Variants in MOCS2 observed in about 807,000 individuals in gnomAD.
MOCS2 encodes the protein molybdenum cofactor synthesis 2.
A neutral mutation model predicts 21.9 loss-of-function variants in MOCS2; 13 were observed. The observed-to-expected ratio is 0.59, with a 90% confidence interval of 0.39 to 0.94. MOCS2 has a LOEUF of 0.94. Ranked by LOEUF, MOCS2 falls within the 40% of genes least tolerant of loss-of-function variation. MOCS2 has a pLI of 0.00. For synonymous variants in MOCS2, 92 were observed against 80.8 expected, an observed-to-expected ratio of 1.14 and a Z score of -0.74; for missense variants, 227 against 218.3, an observed-to-expected ratio of 1.04 and a Z score of -0.25.
chr5:53,107,112 G>A lies in MOCS2; in HGVS notation c.63C>T (p.Pro21=). The A allele has an allele frequency of 1.2e-6, 2 of 1,614,110 alleles. No homozygotes were observed. Among genetic ancestry groups the A allele is most frequent in the Non-Finnish European group, 1.7e-6 (2 of 1,180,004 alleles). The change falls in exon 3 of 7, where the codon CCC becomes CCT. Residue 21 remains proline (P), a synonymous_variant. Transcript: ENST00000396954. Reference sequence around the variant, plus strand: ...CAAAAGCACTATCCTCCACTAATGGGGGGGATAACGGCAATTTCGTCTCCA... The same window carrying A: ...CAAAAGCACTATCCTCCACTAATGGAGGGGATAACGGCAATTTCGTCTCCA... ...FSLETKLPLS[P]PLVEDSAFEP...
rs1741143832 is a variant in MOCS2 at position 53,109,453 on chromosome 5, A to G, written c.-372T>C. Reference sequence around the variant, plus strand: ...AAAAGGTGGAGGCGCCTTCAGAACGAGTCCGTCCTTGCTGCCGTGAGCTGA... The same window carrying G: ...AAAAGGTGGAGGCGCCTTCAGAACGGGTCCGTCCTTGCTGCCGTGAGCTGA... On this transcript the variant is annotated 5_prime_UTR_variant, in exon 1 of 7. Transcript: ENST00000396954. 1 of 1,284,350 alleles carries G rather than the reference A, an allele frequency of 7.8e-7. No homozygotes were observed. The highest frequency in any genetic ancestry group is 3.7e-5 in the Admixed American group (1 of 26,918). 79.6% of individuals were successfully genotyped at this position (1,284,350 alleles called of 1,614,324 possible).
chr5:53,101,510 C>G lies in MOCS2; in HGVS notation c.227-1G>C. On this transcript the variant is annotated splice_acceptor_variant, in intron 4 of 6. Transcript: ENST00000396954. LOFTEE classifies it high-confidence loss of function. ...CCTTCAAAGTTATTTCTTGTAGTCC[C>G]TTTAAAAATGAAAAAAAAGAAAAAG... 1 of 1,581,342 alleles carries G rather than the reference C, an allele frequency of 6.3e-7. No individual in the cohort carries two copies. The highest frequency in any genetic ancestry group is 2.2e-5 in the East Asian group (1 of 44,600).
At chr5:53,098,694 TA>T (rs1472986888) in intron 6 of MOCS2, 27 bp from the exon 7 acceptor site, 2 of 1,470,226 alleles carry the variant, frequency 1.4e-6, no homozygotes, top group African/African-American at 1.4e-5. Context: ...TAACAGGTAT[TA>T]AAAATAGACC....
chr5:53,098,571 T>TTAAAC lies in MOCS2; in HGVS notation c.*30_*31insGTTTA, dbSNP rs748269910. ...GATCAATAATAATAGTTTAACAAAG[T>TTAAAC]TAAGATTGCATGCTCTAAAAACATA... is the stretch of plus-strand genomic sequence containing the variant. On this transcript the variant is annotated 3_prime_UTR_variant, in exon 7 of 7. Coordinates refer to ENST00000396954, the MANE Select transcript of MOCS2 (RefSeq NM_004531.5). 9.5e-6 allele frequency: 15 copies of TTAAAC among 1,586,564 alleles called. 1 individual carries two copies. In the South Asian group the frequency reaches 1.5e-4, roughly 16 times the overall value.
intron 5 of MOCS2, 193 bp from the exon 6 acceptor site, chr5:53,100,727 G>T: frequency 1.7e-6 from 1 of 582,806 alleles, no homozygotes; most frequent in Non-Finnish European, 3.0e-6. Flanking sequence ...AGATGAGGCT[G>T]ATGCTACAGC....
intron 6 of MOCS2, among the ~76,000 whole-genome samples, chr5:53,099,802 G>A (rs948934058): frequency 6.6e-6 from 1 of 152,172 alleles, no homozygotes; most frequent in Non-Finnish European, 1.5e-5. Context: ...GACATTGAAT[G>A]TGCAACCACA....
chr5:53,109,096 C>A (rs1052450792), intron 1 of MOCS2, among the ~76,000 whole-genome samples, 155 bp downstream of exon 1: 1 of 152,192 alleles, frequency 6.6e-6, no homozygotes, highest in Non-Finnish European at 1.5e-5. Flanking sequence ...TGTATAACAT[C>A]GTCCCCAGAC....
chr5:53,103,171 A>G (rs1740963495), intron 3 of MOCS2, among the ~76,000 whole-genome samples: 1 of 152,178 alleles, frequency 6.6e-6, no homozygotes, highest in Non-Finnish European at 1.5e-5. Context: ...AAATTAACAA[A>G]ACTCAATTAT....
rs1021202508 is a variant in MOCS2, at chr5:53,109,721, C to A, written c.-640G>T. 7 of 1,551,878 alleles carry A rather than the reference C, an allele frequency of 4.5e-6. No individual in the cohort carries two copies. Among genetic ancestry groups the A allele is most frequent in the Middle Eastern group, 1.7e-4 (1 of 5,760 alleles). On this transcript the variant is annotated 5_prime_UTR_variant, in exon 1 of 7. Coordinates refer to ENST00000396954, the MANE Select transcript of MOCS2 (RefSeq NM_004531.5). ...CACCCGCCACCCTTACCTGGCACAG[C>A]GGCACCATCCCGCCTAGGACAGCGG...
intron 3 of MOCS2, 137 bp downstream of exon 3, chr5:53,106,940 T>G: frequency 1.1e-6 from 1 of 884,744 alleles, no homozygotes; most frequent in South Asian, 1.7e-5. Context: ...TTGGCACCAA[T>G]GAAGAGTTGC....
chr5:53,105,689 C>T (rs1174191839), intron 3 of MOCS2, among the ~76,000 whole-genome samples: 3 of 152,062 alleles, frequency 2.0e-5, no homozygotes, highest in East Asian at 3.8e-4. Context: ...ACAAAGAAGA[C>T]TCAAAAAGCA....
In MOCS2 at chr5:53,097,690, C is replaced by T. The variant is rs1297998153; in HGVS notation, c.*912G>A. Reference sequence around the variant, plus strand: ...TTAATTAGTTGGATTATGGTAATCACCTCACAATGTATATGTGTATCAAAA... The same window carrying T: ...TTAATTAGTTGGATTATGGTAATCATCTCACAATGTATATGTGTATCAAAA... On this transcript the variant is annotated 3_prime_UTR_variant, in exon 7 of 7. Coordinates refer to ENST00000396954, the MANE Select transcript of MOCS2 (RefSeq NM_004531.5). 7.2e-5 allele frequency: 11 copies of T among 152,080 alleles called. No individual in the cohort carries two copies. The highest frequency in any genetic ancestry group is 7.2e-4 in the Admixed American group (11 of 15,272). The allele number at this position is 152,080 out of a possible 1,614,324, so 9.4% of individuals were successfully genotyped here. A position where few individuals can be genotyped will look rare whatever the true frequency, so the allele number is the denominator to read the frequency against.
chr5:53,105,665 G>C (rs933991768), intron 3 of MOCS2, among the ~76,000 whole-genome samples: 2 of 152,108 alleles, frequency 1.3e-5, no homozygotes, highest in Admixed American at 1.3e-4. Context: ...ATAAGAACAA[G>C]CAAAGATTTA....
intron 2 of MOCS2, chr5:53,108,071 A>C (rs1196190700): frequency 1.3e-5 from 2 of 152,978 alleles, no homozygotes; most frequent in Non-Finnish European, 2.9e-5. Context: ...AGAACCAGAA[A>C]AAAAATTAAA....
At position 53,101,522 on chromosome 5, in the gene MOCS2, A is replaced by AG; in HGVS notation, c.227-14_227-13insC. 1 of 1,554,120 alleles carries AG rather than the reference A, an allele frequency of 6.4e-7. No individual in the cohort carries two copies. The highest frequency in any genetic ancestry group is 8.8e-7 in the Non-Finnish European group (1 of 1,134,894). On this transcript the variant is annotated splice_polypyrimidine_tract_variant and intron_variant, in intron 4 of 6. Transcript: ENST00000396954. ...TTTCTTGTAGTCCCTTTAAAAATGA[A>AG]AAAAAAGAAAAAGAAAACAATTAAA...
Position 53,109,483 on chromosome 5 carries a change from A to G in MOCS2, c.-402T>C. 1 of 1,316,916 alleles carries G rather than the reference A, an allele frequency of 7.6e-7. No individual in the cohort carries two copies. The highest frequency in any genetic ancestry group is 9.7e-7 in the Non-Finnish European group (1 of 1,035,352). 81.6% of individuals were successfully genotyped at this position (1,316,916 alleles called of 1,614,324 possible). A position where few individuals can be genotyped will look rare whatever the true frequency, so the allele number is the denominator to read the frequency against. On this transcript the variant is annotated 5_prime_UTR_variant, in exon 1 of 7. Transcript: ENST00000396954. Reference sequence around the variant, plus strand: ...GTCCTTGCTGCCGTGAGCTGACAAGAGTTCTCGGAGAGGACCCGACTTCTG... The same window carrying G: ...GTCCTTGCTGCCGTGAGCTGACAAGGGTTCTCGGAGAGGACCCGACTTCTG...
At chr5:53,108,724 A>G in intron 1 of MOCS2, 81 bp from the exon 2 acceptor site, 4 of 1,429,122 alleles carry the variant, frequency 2.8e-6, no homozygotes, top group Non-Finnish European at 3.8e-6. Context: ...CTCATTTTCC[A>G]AATGTATTGC....
intron 1 of MOCS2, 46 bp downstream of exon 1, chr5:53,109,205 G>T: frequency 1.2e-6 from 1 of 825,694 alleles, no homozygotes; most frequent in Non-Finnish European, 1.5e-6. Context: ...ACAAACTTGT[G>T]CCAGCAGCCT....
intron 4 of MOCS2, 52 bp from the exon 5 acceptor site, chr5:53,101,561 C>T (rs1250610620): frequency 1.5e-6 from 2 of 1,343,068 alleles, no homozygotes; most frequent in Admixed American, 3.7e-5. Flanking sequence ...AGGTTTTTCC[C>T]TACAAAAGAA....
Sources: gnomAD v4.1 joint callset for allele counts (sites outside exome capture counted in the v4.1 genomes callset) on GRCh38, gnomAD v4.1.1 for gene constraint, MANE v1.5 for transcripts, NCBI Gene and HGNC (gene_info 2026-07-23, HGNC 2026-07-21) for gene names.